The following SIPA1L2 variants were observed in gnomAD, a reference collection of about 807,000 sequenced individuals.
SIPA1L2 encodes signal-induced proliferation-associated 1-like protein 2.
SIPA1L2 carries 56 observed loss-of-function variants against 163.9 expected under a neutral mutation model. The observed-to-expected ratio is 0.34, with a 90% CI of 0.28 to 0.43. SIPA1L2 has a LOEUF of 0.43. SIPA1L2 is among the 20% of genes least tolerant of loss of function. The pLI is 1.00. For synonymous variants in SIPA1L2, 877 were observed against 865.7 expected (o/e 1.01, Z -0.23); for missense variants, 1,974 against 2,193.5 (o/e 0.90, Z 2.00).
intron 1 of SIPA1L2, among the ~76,000 whole-genome samples, chr1:232,614,687 G>A (rs1352418630): frequency 6.6e-6 from 1 of 152,184 alleles, no homozygotes. Context: ...TACACCTCGA[G>A]CAGACAGCAG....
chr1:232,510,205 C>T (rs1465179678), intron 3 of SIPA1L2, among the ~76,000 whole-genome samples: 1 of 150,390 alleles, frequency 6.6e-6, no homozygotes, highest in African/African-American at 2.4e-5. Context: ...AGTAATGGTG[C>T]TGGGACATTT....
At chr1:232,501,245 A>C (rs776560489) in intron 3 of SIPA1L2, among the ~76,000 whole-genome samples, 1 of 151,978 alleles carries the variant, frequency 6.6e-6, no homozygotes, top group East Asian at 1.9e-4. Context: ...CATTTACATT[A>C]AGATATGTAC....
chr1:232,576,934 T>G (rs1660109746), intron 1 of SIPA1L2, among the ~76,000 whole-genome samples: 1 of 152,214 alleles, frequency 6.6e-6, no homozygotes, highest in African/African-American at 2.4e-5. Flanking sequence ...AAGAAAAGTC[T>G]GCAGGTAGCA....
chr1:232,629,712 A>C lies in SIPA1L2; in HGVS notation c.-319+157T>G, dbSNP rs991760434. Among the ~76,000 whole-genome samples the C allele has an allele frequency of 3.2e-4, 49 of 151,666 alleles. No homozygotes were observed. The South Asian group carries it at 5.0e-3, about 16-fold the overall frequency. ...TCTACAAGCCGGACCCTGCGCCGCG[A>C]CCCTCGCACCCCCGCGCCCCTCGCA... On this transcript the variant is annotated intron_variant, in intron 1 of 22. Transcript: ENST00000674635.
Position 232,510,167 on chromosome 1 carries a change from G to T in SIPA1L2, c.1483+3690C>A, listed in dbSNP as rs137952492. 7.9e-3 allele frequency among the ~76,000 whole-genome samples: 1,205 copies of T among 152,248 alleles called. 13 individuals carry two copies. Among genetic ancestry groups the T allele is most frequent in the Non-Finnish European group, 0.012 (828 of 68,026 alleles). ...CATGGCACTTGATATTGGCAGTGCA[G>T]ATGAATAAGGGGAAATGTCTGATAT... On this transcript the variant is annotated intron_variant, in intron 3 of 22. Transcript: ENST00000674635.
In SIPA1L2 at chr1:232,514,415, A is replaced by G; in HGVS notation, c.925T>C (p.Ser309Pro). The change falls in exon 3 of 23, where the codon TCT (serine) becomes CCT (proline). Residue 309 changes from serine (S) to proline (P), a missense_variant. This residue lies in a region of SIPA1L2 where 607 missense variants were observed against 624.0 expected (regional missense o/e 0.97). Coordinates refer to ENST00000674635, the MANE Select transcript of SIPA1L2 (RefSeq NM_020808.5). ...KSEHETFKFT[S>P]ELEESRLERG... Reference sequence around the variant, plus strand: ...TCCAGTCGGCTCTCCTCCAGCTCAGACGTGAACTTGAAAGTTTCGTGCTCA... The same window carrying G: ...TCCAGTCGGCTCTCCTCCAGCTCAGGCGTGAACTTGAAAGTTTCGTGCTCA... The G allele has an allele frequency of 1.9e-6, 3 of 1,614,194 alleles. No homozygotes were observed. Among genetic ancestry groups the G allele is most frequent in the Middle Eastern group, 1.6e-4 (1 of 6,062 alleles).
chr1:232,551,164 G>A (rs1658358750), intron 2 of SIPA1L2, among the ~76,000 whole-genome samples: 1 of 152,220 alleles, frequency 6.6e-6, no homozygotes, highest in East Asian at 1.9e-4. Flanking sequence ...AAGATTAGAT[G>A]AGATAGCAGA....
At chr1:232,461,573 T>C (rs1450735468) in intron 9 of SIPA1L2, among the ~76,000 whole-genome samples, 1 of 152,208 alleles carries the variant, frequency 6.6e-6, no homozygotes, top group Admixed American at 6.5e-5. Context: ...TCGTTCTAGA[T>C]GGATTTTTGC....
chr1:232,591,634 C>A (rs930624464), intron 1 of SIPA1L2, among the ~76,000 whole-genome samples: 4 of 152,244 alleles, frequency 2.6e-5, no homozygotes, highest in African/African-American at 9.6e-5. Flanking sequence ...AGTTTACTGA[C>A]TGGCAAGGTT....
At position 232,398,466 on chromosome 1, in the gene SIPA1L2, GAACACTGTTAAT is replaced by G. The variant is rs1558144041; in HGVS notation, c.*649_*660del. ...TGTATCTTTTTTTTGTTTTTAATCA[GAACACTGTTAAT>G]ATTCAGGCACCATTTGTTCCTGCAA... On this transcript the variant is annotated 3_prime_UTR_variant, in exon 23 of 23. Transcript: ENST00000674635. The G allele has an allele frequency of 6.6e-6, 1 of 152,278 alleles. No individual in the cohort carries two copies. Among genetic ancestry groups the G allele is most frequent in the African/African-American group, 2.4e-5 (1 of 41,324 alleles). The allele number at this position is 152,278 out of a possible 1,614,324, so 9.4% of individuals were successfully genotyped here. A position where few individuals can be genotyped will look rare whatever the true frequency, so the allele number is the denominator to read the frequency against.
chr1:232,554,851 T>C (rs574624645), intron 2 of SIPA1L2, among the ~76,000 whole-genome samples: 6 of 152,166 alleles, frequency 3.9e-5, no homozygotes, highest in Non-Finnish European at 8.8e-5. Context: ...AATAAGGAAA[T>C]AACTTCCAAC....
At chr1:232,570,927 G>C (rs1316968677) in intron 2 of SIPA1L2, among the ~76,000 whole-genome samples, 2 of 136,000 alleles carry the variant, frequency 1.5e-5, no homozygotes, top group Admixed American at 1.6e-4. Context: ...CTTAGCATGA[G>C]AATCAGGCCA....
intron 1 of SIPA1L2, among the ~76,000 whole-genome samples, chr1:232,628,301 C>T (rs1324744356): frequency 2.0e-5 from 3 of 152,202 alleles, no homozygotes; most frequent in African/African-American, 7.2e-5. Flanking sequence ...AACTGCATCT[C>T]TTCCCAAAAT....
chr1:232,579,409 G>A (rs1243530493), intron 1 of SIPA1L2, among the ~76,000 whole-genome samples: 1 of 152,136 alleles, frequency 6.6e-6, no homozygotes, highest in East Asian at 1.9e-4. Flanking sequence ...ACACCAGCAA[G>A]GTCCAGTTCA....
At chr1:232,505,737 G>A (rs1488095287) in intron 3 of SIPA1L2, among the ~76,000 whole-genome samples, 3 of 152,164 alleles carry the variant, frequency 2.0e-5, no homozygotes, top group Non-Finnish European at 4.4e-5. Flanking sequence ...CCCCATTAAG[G>A]GCGCCTGTGG....
chr1:232,489,804 C>A (rs72761331), intron 5 of SIPA1L2, among the ~76,000 whole-genome samples: 3,339 of 152,312 alleles, frequency 0.022, 47 homozygotes, highest in Non-Finnish European at 0.037. Context: ...AACAAATCCA[C>A]TGGTTTAAAA....
In SIPA1L2 at chr1:232,398,953, T is replaced by C; in HGVS notation, c.*174A>G. On this transcript the variant is annotated 3_prime_UTR_variant, in exon 23 of 23. Coordinates refer to ENST00000674635, the MANE Select transcript of SIPA1L2 (RefSeq NM_020808.5). ...TTCACATCGGCGCTGCTCTCTGCCG[T>C]GGTTACCGAGAAAGAGTCGAGGCTC... The C allele has an allele frequency of 1.3e-6, 1 of 776,598 alleles. No individual in the cohort carries two copies. Among genetic ancestry groups the C allele is most frequent in the Non-Finnish European group, 2.0e-6 (1 of 497,122 alleles). The allele number at this position is 776,598 out of a possible 1,614,324, so 48.1% of individuals were successfully genotyped here.
intron 10 of SIPA1L2, 39 bp downstream of exon 10, chr1:232,460,848 A>G (rs1468524608): frequency 1.3e-6 from 2 of 1,594,196 alleles, no homozygotes; most frequent in Non-Finnish European, 1.7e-6. Flanking sequence ...TACAGAGGCA[A>G]AGGAGGAGTG....
chr1:232,572,750 TATATATATATATATATATATATATATA>T (rs1558277593), intron 2 of SIPA1L2, among the ~76,000 whole-genome samples: 2 of 112,500 alleles, frequency 1.8e-5, no homozygotes, highest in African/African-American at 6.4e-5. Flanking sequence ...TATATATATA[TATATATATATATATATATATATATATA>T]TATTTATTTA....
Sources: allele counts gnomAD v4.1 joint callset (sites outside exome capture counted in the v4.1 genomes callset), GRCh38; gene constraint gnomAD v4.1.1; regional missense constraint gnomAD v4.1.1; transcripts MANE v1.5; gene names NCBI Gene and HGNC (gene_info 2026-07-23, HGNC 2026-07-21).